Variants in WASL observed in about 807,000 individuals in gnomAD.
The protein encoded by WASL is WASP like actin nucleation promoting factor, also known as actin nucleation-promoting factor WASL.
A neutral mutation model predicts 55.5 loss-of-function variants in WASL; 20 were observed. The ratio of observed to expected loss-of-function variants is 0.36; its 90% CI spans 0.25 to 0.52. The LOEUF is 0.52. Ranked by LOEUF, WASL falls within the 20% of genes least tolerant of loss-of-function variation. The pLI is 0.92. For synonymous variants in WASL, 249 were observed against 217.6 expected (o/e 1.14, Z -1.27); for missense variants, 504 against 622.5 (o/e 0.81, Z 2.03).
chr7:123,697,060 C>A (rs78776265), intron 5 of WASL, among the ~76,000 whole-genome samples: 17,476 of 151,858 alleles, frequency 0.12, 1,325 homozygotes, highest in East Asian at 0.2. Context: ...ATTATAATAG[C>A]CTCATATCCA....
Position 123,706,767 on chromosome 7 carries a change from T to C in WASL, c.312A>G (p.Arg104=). 6.3e-7 allele frequency: 1 copy of C among 1,581,564 alleles called. No individual in the cohort carries two copies. The highest frequency in any genetic ancestry group is 8.6e-7 in the Non-Finnish European group (1 of 1,169,474). ...LYNNFVYNSP[R]GYFHTFAGDT... is the part of the protein sequence containing the mutation. ...CTCCAGCAAAGGTATGAAAATATCC[T>C]CTAGGACTATTATATACAAAGTTAT... is the stretch of plus-strand genomic sequence containing the variant. The change falls in exon 3 of 11, where the codon AGA becomes AGG. Residue 104 remains arginine (R), a synonymous_variant. Coordinates refer to ENST00000223023, the MANE Select transcript of WASL (RefSeq NM_003941.4).
rs924032824 is a variant in WASL, at chr7:123,684,343, G to A, written c.*176C>T. ...AGGGAGTAGCTTTGTAGAGGATTAC[G>A]ACAAACCTTTACAGATTAAATGAGG... On this transcript the variant is annotated 3_prime_UTR_variant, in exon 11 of 11. Transcript: ENST00000223023. The A allele has an allele frequency of 1.9e-5, 5 of 262,376 alleles. No individual in the cohort carries two copies. Among genetic ancestry groups the A allele is most frequent in the Middle Eastern group, 1.5e-3 (1 of 682 alleles). 16.3% of individuals were successfully genotyped at this position (262,376 alleles called of 1,614,324 possible). A position where few individuals can be genotyped will look rare whatever the true frequency, so the allele number is the denominator to read the frequency against.
chr7:123,709,959 T>C (rs1051478980), intron 1 of WASL, among the ~76,000 whole-genome samples: 2 of 152,126 alleles, frequency 1.3e-5, no homozygotes, highest in Non-Finnish European at 2.9e-5. Flanking sequence ...TAGAACCCTT[T>C]CAGATGTATA....
At chr7:123,686,482 T>C (rs1440172814) in intron 10 of WASL, among the ~76,000 whole-genome samples, 1 of 152,042 alleles carries the variant, frequency 6.6e-6, no homozygotes, top group Admixed American at 6.6e-5. Flanking sequence ...CATCAGGTAC[T>C]ACCACAGAAA....
chr7:123,687,871 C>A (rs1442880153), intron 10 of WASL, among the ~76,000 whole-genome samples: 1 of 152,036 alleles, frequency 6.6e-6, no homozygotes, highest in East Asian at 1.9e-4. Flanking sequence ...GCTCAAGGAT[C>A]TTAAGACATG....
chr7:123,716,316 A>G (rs1456719224), intron 1 of WASL, among the ~76,000 whole-genome samples: 2 of 152,078 alleles, frequency 1.3e-5, no homozygotes, highest in Non-Finnish European at 2.9e-5. Flanking sequence ...CCCAGGTTCA[A>G]GCAATTCTCC....
intron 4 of WASL, 121 bp downstream of exon 4, chr7:123,706,156 T>C (rs1036785641): frequency 5.4e-6 from 5 of 934,116 alleles, no homozygotes; most frequent in Non-Finnish European, 7.9e-6. Context: ...AGACAACATG[T>C]AAACCAATGA....
At chr7:123,730,405 GT>G (rs1244222742) in intron 1 of WASL, among the ~76,000 whole-genome samples, 1 of 152,094 alleles carries the variant, frequency 6.6e-6, no homozygotes, top group Non-Finnish European at 1.5e-5. Flanking sequence ...ATTAATGACA[GT>G]GGGGAGGGAT....
intron 1 of WASL, among the ~76,000 whole-genome samples, chr7:123,746,395 C>T (rs1235277692): frequency 2.0e-5 from 3 of 152,220 alleles, no homozygotes; most frequent in Non-Finnish European, 1.5e-5. Context: ...CTGCCTAACA[C>T]ATTTGGTCTG....
At chr7:123,702,108 G>A (rs1021781718) in intron 5 of WASL, among the ~76,000 whole-genome samples, 1 of 151,948 alleles carries the variant, frequency 6.6e-6, no homozygotes, top group Non-Finnish European at 1.5e-5. Flanking sequence ...AGGCTGGAGT[G>A]CAATGGTGTG....
intron 5 of WASL, among the ~76,000 whole-genome samples, chr7:123,701,672 TG>T (rs1388466183): frequency 6.6e-6 from 1 of 152,222 alleles, no homozygotes; most frequent in Admixed American, 6.5e-5. Flanking sequence ...GCATAGCTAC[TG>T]GAGGACATGG....
At chr7:123,716,841 A>G (rs116864866) in intron 1 of WASL, among the ~76,000 whole-genome samples, 2,454 of 152,268 alleles carry the variant, frequency 0.016, 28 homozygotes, top group Non-Finnish European at 0.025. Flanking sequence ...ATACCACTTC[A>G]CCATATATTT....
chr7:123,728,160 G>C (rs1804081671), intron 1 of WASL, among the ~76,000 whole-genome samples: 2 of 152,054 alleles, frequency 1.3e-5, no homozygotes, highest in African/African-American at 2.4e-5. Context: ...TTAAAATTCA[G>C]AGCATTTTAC....
intron 1 of WASL, among the ~76,000 whole-genome samples, chr7:123,721,358 G>A (rs575879564): frequency 6.6e-6 from 1 of 152,096 alleles, no homozygotes; most frequent in Non-Finnish European, 1.5e-5. Flanking sequence ...CGTGCAAAAG[G>A]TAGGTTACTT....
chr7:123,689,220 T>G (rs1803354162), intron 9 of WASL, 70 bp from the exon 10 acceptor site: 15 of 1,283,190 alleles, frequency 1.2e-5, no homozygotes, highest in Non-Finnish European at 1.7e-5. Context: ...CAGAAAGTCC[T>G]ACTTTCTTAG....
intron 1 of WASL, among the ~76,000 whole-genome samples, chr7:123,733,780 A>G (rs372457700): frequency 8.0e-4 from 122 of 152,214 alleles, no homozygotes; most frequent in African/African-American, 2.9e-3. Context: ...AAATAGACAA[A>G]ATAGACTGGT....
intron 10 of WASL, among the ~76,000 whole-genome samples, chr7:123,688,294 A>G (rs1803329720): frequency 6.6e-6 from 1 of 152,212 alleles, no homozygotes; most frequent in Non-Finnish European, 1.5e-5. Context: ...AACAGTAAAA[A>G]TTACTGAAAT....
At chr7:123,720,005 A>T (rs112226662) in intron 1 of WASL, among the ~76,000 whole-genome samples, 1 of 152,176 alleles carries the variant, frequency 6.6e-6, no homozygotes, top group African/African-American at 2.4e-5. Context: ...AGGTCTTCTC[A>T]GCAGACTGTC....
rs1009450670 is a variant in WASL at position 123,748,851 on chromosome 7, G to C, written c.-117C>G. Reference sequence around the variant, plus strand: ...AGTGGAGTCAGAGGCGCCACATCTCGCAGCTCCTCCGGAGCGGGGAGGAGG... The same window carrying C: ...AGTGGAGTCAGAGGCGCCACATCTCCCAGCTCCTCCGGAGCGGGGAGGAGG... On this transcript the variant is annotated 5_prime_UTR_variant, in exon 1 of 11. Transcript: ENST00000223023. 4.9e-6 allele frequency: 4 copies of C among 816,774 alleles called. No individual in the cohort carries two copies. Among genetic ancestry groups the C allele is most frequent in the Non-Finnish European group, 5.5e-6 (3 of 543,718 alleles). 50.6% of individuals were successfully genotyped at this position (816,774 alleles called of 1,614,324 possible).
Sources: gnomAD v4.1 joint callset for allele counts (sites outside exome capture counted in the v4.1 genomes callset) on GRCh38, gnomAD v4.1.1 for gene constraint, MANE v1.5 for transcripts, NCBI Gene and HGNC (gene_info 2026-07-23, HGNC 2026-07-21) for gene names.